Variants in NRXN1 observed in about 807,000 individuals in gnomAD.
NRXN1 encodes the protein neurexin 1.
In NRXN1, 39 loss-of-function variants were observed where a neutral mutation model predicts 150.9. The ratio of observed to expected loss-of-function variants is 0.26; its 90% CI spans 0.20 to 0.34. The LOEUF (loss-of-function observed/expected upper bound fraction) is 0.34. NRXN1 is among the 10% of genes least tolerant of loss of function. The pLI, the probability that NRXN1 is intolerant of heterozygous loss-of-function variation, is 1.00. For missense variants in NRXN1, 1,815 were observed against 1,949.9 expected, an observed-to-expected ratio of 0.93 and a Z score of 1.30; for synonymous variants, 924 against 757.0, an observed-to-expected ratio of 1.22 and a Z score of -3.62.
At chr2:50,759,124 TA>T (rs1230512872) in intron 5 of NRXN1, among the ~76,000 whole-genome samples, 1 of 151,972 alleles carries the variant, frequency 6.6e-6, no homozygotes, top group Non-Finnish European at 1.5e-5. Context: ...AAAAGAATTT[TA>T]AACATTTCTT....
chr2:50,373,294 T>TTATTATTCTTATTA (rs1553512407), intron 17 of NRXN1, among the ~76,000 whole-genome samples: 18 of 140,396 alleles, frequency 1.3e-4, no homozygotes, highest in African/African-American at 4.9e-4. Context: ...TATTTTATTT[T>TTATTATTCTTATTA]TTATTATTAT....
At chr2:50,611,461 C>A (rs1473996580) in intron 8 of NRXN1, among the ~76,000 whole-genome samples, 1 of 152,128 alleles carries the variant, frequency 6.6e-6, no homozygotes, top group Non-Finnish European at 1.5e-5. Context: ...GCTTTGTGGA[C>A]TGAAGAGCTG....
intron 18 of NRXN1, among the ~76,000 whole-genome samples, chr2:50,192,801 G>T (rs1408686759): frequency 6.6e-6 from 1 of 152,136 alleles, no homozygotes; most frequent in East Asian, 1.9e-4. Flanking sequence ...GTAGAGACAA[G>T]GTTTCGCCAT....
chr2:50,726,523 T>C (rs1216778537), intron 5 of NRXN1, among the ~76,000 whole-genome samples: 2 of 152,202 alleles, frequency 1.3e-5, no homozygotes, highest in East Asian at 1.9e-4. Context: ...AAAACTATTT[T>C]AATTGTGCTA....
chr2:50,630,535 A>T (rs1682090826), intron 5 of NRXN1, among the ~76,000 whole-genome samples: 1 of 151,702 alleles, frequency 6.6e-6, no homozygotes, highest in Admixed American at 6.6e-5. Context: ...ATTACCGTAC[A>T]TCTTAAAGAC....
At chr2:50,377,699 AT>A (rs762131794) in intron 17 of NRXN1, among the ~76,000 whole-genome samples, 6 of 152,142 alleles carry the variant, frequency 3.9e-5, no homozygotes, top group African/African-American at 7.2e-5. Flanking sequence ...GTGTTCTGCC[AT>A]TTGCTCATAT....
rs747424290 is a variant in NRXN1 at position 49,943,790 on chromosome 2, G to T, written c.4130C>A (p.Thr1377Asn). 3 of 1,606,846 alleles carry T rather than the reference G, an allele frequency of 1.9e-6. No individual in the cohort carries two copies. Among genetic ancestry groups the T allele is most frequent in the East Asian group, 2.2e-5 (1 of 44,756 alleles). ...TGAGGCCACAAGGATGTCATCTGTG[G>T]TCTGCAAAAGAATCACATTCAGTAG... is the stretch of plus-strand genomic sequence containing the variant. ...KPPTKEPISQ[T>N]TDDILVASAE... The change falls in exon 22 of 23, where the codon ACC (threonine) becomes AAC (asparagine). Residue 1377 changes from threonine (T) to asparagine (N), a missense_variant and splice_region_variant. Coordinates refer to ENST00000401669, the MANE Select transcript of NRXN1 (RefSeq NM_001330078.2).
chr2:50,869,543 C>G (rs1236259654), intron 5 of NRXN1, among the ~76,000 whole-genome samples: 1 of 151,422 alleles, frequency 6.6e-6, no homozygotes, highest in Admixed American at 6.6e-5. Context: ...GCTGAAGATA[C>G]AAGTTAAATC....
At chr2:50,351,918 C>T (rs910172883) in intron 17 of NRXN1, among the ~76,000 whole-genome samples, 3 of 152,116 alleles carry the variant, frequency 2.0e-5, no homozygotes, top group Admixed American at 6.5e-5. Context: ...GAATAGGCTA[C>T]AAAATTTTGT....
intron 17 of NRXN1, among the ~76,000 whole-genome samples, chr2:50,298,825 T>G (rs1444427830): frequency 6.6e-6 from 1 of 152,176 alleles, no homozygotes; most frequent in Non-Finnish European, 1.5e-5. Context: ...GCAAGATTCT[T>G]AAAACAGATT....
chr2:50,895,296 C>T (rs977782961), intron 5 of NRXN1, among the ~76,000 whole-genome samples: 1 of 152,154 alleles, frequency 6.6e-6, no homozygotes, highest in Admixed American at 6.5e-5. Context: ...AAAAAGCAGA[C>T]ATGACATCTT....
chr2:50,353,009 A>G (rs185935219), intron 17 of NRXN1, among the ~76,000 whole-genome samples: 117 of 152,058 alleles, frequency 7.7e-4, no homozygotes, highest in African/African-American at 2.6e-3. Flanking sequence ...CACCTCCCCA[A>G]TGATATAACA....
chr2:50,287,360 T>C (rs1170332618), intron 17 of NRXN1, among the ~76,000 whole-genome samples: 1 of 152,086 alleles, frequency 6.6e-6, no homozygotes, highest in Non-Finnish European at 1.5e-5. Context: ...GCATGAAAAA[T>C]ATTACAGGGG....
chr2:50,254,625 T>C (rs978453697), intron 17 of NRXN1, among the ~76,000 whole-genome samples: 1 of 150,408 alleles, frequency 6.6e-6, no homozygotes, highest in Admixed American at 6.6e-5. Context: ...TCTTTGTTCA[T>C]TTCTCAATTT....
chr2:50,828,489 G>A (rs1409614511), intron 5 of NRXN1, among the ~76,000 whole-genome samples: 108 of 149,730 alleles, frequency 7.2e-4, no homozygotes, highest in African/African-American at 2.0e-3. Context: ...GTTGCCAGGC[G>A]GAGGGTCTCC....
intron 10 of NRXN1, among the ~76,000 whole-genome samples, chr2:50,534,471 A>G (rs1429254473): frequency 6.6e-6 from 1 of 152,212 alleles, no homozygotes; most frequent in East Asian, 1.9e-4. Flanking sequence ...CCCAGTGGTC[A>G]AAGACCAGTG....
At chr2:50,448,206 C>G (rs1339598443) in intron 17 of NRXN1, among the ~76,000 whole-genome samples, 1 of 152,132 alleles carries the variant, frequency 6.6e-6, no homozygotes, top group Non-Finnish European at 1.5e-5. Flanking sequence ...AATAAAAACT[C>G]TGTTCTTTCC....
intron 13 of NRXN1, among the ~76,000 whole-genome samples, chr2:50,498,561 C>T (rs1212418540): frequency 6.6e-6 from 1 of 152,042 alleles, no homozygotes; most frequent in Admixed American, 6.5e-5. Flanking sequence ...CTGACTATTC[C>T]ACTCAGTCCT....
At chr2:50,075,787 G>T (rs1323553708) in intron 19 of NRXN1, among the ~76,000 whole-genome samples, 3 of 82,608 alleles carry the variant, frequency 3.6e-5, no homozygotes, top group East Asian at 2.9e-4. Flanking sequence ...CAACGTGCTT[G>T]GTGACAAAGG....
Sources: allele counts gnomAD v4.1 joint callset (sites outside exome capture counted in the v4.1 genomes callset), GRCh38; gene constraint gnomAD v4.1.1; transcripts MANE v1.5; gene names NCBI Gene and HGNC (gene_info 2026-07-23, HGNC 2026-07-21).